The following NCOA3 variants were observed in gnomAD, a reference collection of about 807,000 sequenced individuals.
NCOA3 encodes nuclear receptor coactivator 3.
In NCOA3, 51 loss-of-function variants were observed where a neutral mutation model predicts 158.8. The ratio of observed to expected loss-of-function variants is 0.32; its 90% confidence interval spans 0.26 to 0.41. The LOEUF (loss-of-function observed/expected upper bound fraction) is 0.41, where lower values mean the gene tolerates loss of function less well. Among genes scored for constraint, NCOA3 ranks in the 10% least tolerant of loss-of-function variants. The pLI, the probability that NCOA3 is intolerant of heterozygous loss-of-function variation, is 1.00. For missense variants in NCOA3, 1,510 were observed against 1,746.6 expected, an observed-to-expected ratio of 0.86 and a Z score of 2.41; for synonymous variants, 537 against 592.4, an observed-to-expected ratio of 0.91 and a Z score of 1.36.
intron 1 of NCOA3, among the ~76,000 whole-genome samples, chr20:47,549,191 G>T (rs541373736): frequency 6.6e-6 from 1 of 151,778 alleles, no homozygotes; most frequent in Non-Finnish European, 1.5e-5. Context: ...CCTTAATTTT[G>T]TATCACCTAT....
intron 1 of NCOA3, among the ~76,000 whole-genome samples, chr20:47,502,906 G>C (rs2083964347): frequency 6.6e-6 from 1 of 152,036 alleles, no homozygotes. Flanking sequence ...TCACTGGCAG[G>C]ATCTGGGATT....
At chr20:47,633,194 A>C (rs2086451308) in intron 8 of NCOA3, among the ~76,000 whole-genome samples, 2 of 152,146 alleles carry the variant, frequency 1.3e-5, no homozygotes, top group Admixed American at 6.5e-5. Flanking sequence ...GCTCTTTATG[A>C]ATAACTTGAA....
intron 1 of NCOA3, among the ~76,000 whole-genome samples, chr20:47,572,797 A>T (rs1329648595): frequency 6.6e-6 from 1 of 152,040 alleles, no homozygotes; most frequent in Non-Finnish European, 1.5e-5. Context: ...TCAGCCTCCC[A>T]AAGTGCTGGA....
chr20:47,601,358 AAC>A (rs1480372469), intron 2 of NCOA3, among the ~76,000 whole-genome samples: 1 of 152,228 alleles, frequency 6.6e-6, no homozygotes, highest in Admixed American at 6.5e-5. Flanking sequence ...ACCAAGCCTC[AAC>A]ATGAGTTTTG....
At position 47,523,820 on chromosome 20, in the gene NCOA3, A is replaced by G. The variant is rs1367645066; in HGVS notation, c.-99+21801A>G. Among the ~76,000 whole-genome samples the G allele has an allele frequency of 2.6e-5, 4 of 152,382 alleles. No homozygotes were observed. The South Asian group carries it at 8.3e-4, about 32-fold the overall frequency. On this transcript the variant is annotated intron_variant, in intron 1 of 22. Transcript: ENST00000371998. The stretch of plus-strand genomic sequence containing the variant: ...TATAAGGATAATAATTAAGCAAAAT[A>G]TTACAGCAGTGGAAACTCTCTAATA...
intron 1 of NCOA3, among the ~76,000 whole-genome samples, chr20:47,526,516 C>T (rs1342816504): frequency 3.9e-5 from 6 of 152,214 alleles, no homozygotes; most frequent in African/African-American, 7.2e-5. Context: ...CCCTGCACCT[C>T]GGGAGGCCGA....
In NCOA3 at chr20:47,654,886, G is replaced by A. The variant is rs2086849753; in HGVS notation, c.*1469G>A. ...TGTATGTGTGTGTGTGTGTGTGTATGTTTAATTATGTTACCTTTTCATCCC... is the reference window on the plus strand; with the variant it reads ...TGTATGTGTGTGTGTGTGTGTGTATATTTAATTATGTTACCTTTTCATCCC... On this transcript the variant is annotated 3_prime_UTR_variant, in exon 23 of 23. Transcript: ENST00000371998. 1 of 150,498 alleles carries A rather than the reference G, an allele frequency of 6.6e-6. No homozygotes were observed. Among genetic ancestry groups the A allele is most frequent in the Non-Finnish European group, 1.5e-5 (1 of 67,664 alleles). The allele number at this position is 150,498 out of a possible 1,614,324, so 9.3% of individuals were successfully genotyped here. A position where few individuals can be genotyped will look rare whatever the true frequency, so the allele number is the denominator to read the frequency against.
At chr20:47,520,126 C>T (rs933330148) in intron 1 of NCOA3, among the ~76,000 whole-genome samples, 11 of 144,740 alleles carry the variant, frequency 7.6e-5, no homozygotes, top group Admixed American at 1.4e-4. Context: ...TCAGTGCTTT[C>T]GGGCTACACC....
At chr20:47,543,308 T>TA (rs2084774866) in intron 1 of NCOA3, among the ~76,000 whole-genome samples, 1 of 151,986 alleles carries the variant, frequency 6.6e-6, no homozygotes, top group Non-Finnish European at 1.5e-5. Flanking sequence ...CCAACTTTGA[T>TA]ACAGTATGGG....
intron 5 of NCOA3, among the ~76,000 whole-genome samples, chr20:47,626,587 A>G (rs1364457050): frequency 6.6e-6 from 1 of 151,442 alleles, no homozygotes; most frequent in East Asian, 1.9e-4. Context: ...TTAAGTCAGC[A>G]GTAGTTTTTA....
intron 2 of NCOA3, among the ~76,000 whole-genome samples, chr20:47,608,167 C>T (rs1239636210): frequency 2.6e-5 from 4 of 151,878 alleles, no homozygotes; most frequent in Admixed American, 6.6e-5. Context: ...AAAAATTAGC[C>T]GGGCATGGTG....
Position 47,639,199 on chromosome 20 carries a change from A to G in NCOA3, c.2704A>G (p.Met902Val), listed in dbSNP as rs1490065040. The G allele has an allele frequency of 1.2e-6, 2 of 1,609,472 alleles. No homozygotes were observed. The highest frequency in any genetic ancestry group is 1.7e-6 in the Non-Finnish European group (2 of 1,176,034). ...TAGTCAGGAAAATTATGGCTCAAGT[A>G]TGGGTACGTTATTTCTAATTAGTAT... ...MDSQENYGSS[M>V]GGPNRNVTVT... The change falls in exon 14 of 23, where the codon ATG becomes GTG. Residue 902 changes from methionine (M) to valine (V), a missense_variant. Coordinates refer to ENST00000371998, the MANE Select transcript of NCOA3 (RefSeq NM_181659.3).
At chr20:47,525,911 C>T (rs867496841) in intron 1 of NCOA3, among the ~76,000 whole-genome samples, 1,932 of 126,274 alleles carry the variant, frequency 0.015, no homozygotes, top group African/African-American at 0.038. Flanking sequence ...ACCTCCCTCC[C>T]GGATGGGGCG....
rs987083001 is a variant in NCOA3 at position 47,655,671 on chromosome 20, C to G, written c.*2254C>G. ...GAGGAAGAACCAGGTCAGTCTGTCT[C>G]TTTTTCAGCTCAATTGTATCTGACC... is the stretch of plus-strand genomic sequence containing the variant. On this transcript the variant is annotated 3_prime_UTR_variant, in exon 23 of 23. Transcript: ENST00000371998. The G allele has an allele frequency of 3.3e-5, 5 of 152,508 alleles. No homozygotes were observed. Among genetic ancestry groups the G allele is most frequent in the Non-Finnish European group, 7.4e-5 (5 of 68,022 alleles). The allele number at this position is 152,508 out of a possible 1,614,324, so 9.4% of individuals were successfully genotyped here. A position where few individuals can be genotyped will look rare whatever the true frequency, so the allele number is the denominator to read the frequency against.
chr20:47,590,051 T>C (rs2085603373), intron 2 of NCOA3, among the ~76,000 whole-genome samples: 1 of 152,106 alleles, frequency 6.6e-6, no homozygotes, highest in African/African-American at 2.4e-5. Flanking sequence ...TCCCCCTGCA[T>C]TGGTTTCCCC....
intron 7 of NCOA3, 47 bp from the exon 8 acceptor site, chr20:47,627,875 T>A: frequency 6.3e-7 from 1 of 1,589,116 alleles, no homozygotes; most frequent in Non-Finnish European, 8.6e-7. Flanking sequence ...AACATATATA[T>A]CCAAAAGTTA....
At position 47,638,988 on chromosome 20, in the gene NCOA3, T is replaced by C. The variant is rs2086561597; in HGVS notation, c.2513-20T>C. 2 of 1,554,678 alleles carry C rather than the reference T, an allele frequency of 1.3e-6. No individual in the cohort carries two copies. The highest frequency in any genetic ancestry group is 3.8e-5 in the Admixed American group (2 of 52,186). On this transcript the variant is annotated intron_variant, in intron 13 of 22. Transcript: ENST00000371998. ...TATATTAAATCACGAAGAAATGTTTTTGTATTGTGTTTTCAACAGGTTTGA... is the reference window on the plus strand; with the variant it reads ...TATATTAAATCACGAAGAAATGTTTCTGTATTGTGTTTTCAACAGGTTTGA...
At chr20:47,584,743 ATGT>A (rs1438841700) in intron 2 of NCOA3, among the ~76,000 whole-genome samples, 1 of 151,980 alleles carries the variant, frequency 6.6e-6, no homozygotes, top group Non-Finnish European at 1.5e-5. Context: ...AGAAGAGGAA[ATGT>A]TGGTCCTACT....
At chr20:47,525,188 G>A (rs866539442) in intron 1 of NCOA3, among the ~76,000 whole-genome samples, 3 of 151,448 alleles carry the variant, frequency 2.0e-5, no homozygotes, top group Admixed American at 6.6e-5. Context: ...ATCTTGCACC[G>A]CCCTTAATCC....
Sources: allele counts gnomAD v4.1 joint callset (sites outside exome capture counted in the v4.1 genomes callset), GRCh38; gene constraint gnomAD v4.1.1; transcripts MANE v1.5; gene names NCBI Gene and HGNC (gene_info 2026-07-23, HGNC 2026-07-21).